ADIPOR2: variants seen among roughly 807,000 people sequenced by gnomAD.
ADIPOR2 encodes adiponectin receptor 2.
In ADIPOR2, 18 loss-of-function variants were observed where a neutral mutation model predicts 40.9. The observed-to-expected ratio is 0.44, with a 90% confidence interval of 0.30 to 0.65. The LOEUF (loss-of-function observed/expected upper bound fraction) is 0.65. Ranked by LOEUF, ADIPOR2 falls within the 30% of genes least tolerant of loss-of-function variation. The pLI, the probability that ADIPOR2 is intolerant of heterozygous loss-of-function variation, is 0.09. For missense variants in ADIPOR2, 283 were observed against 479.2 expected (o/e 0.59, Z 3.82); for synonymous variants, 165 against 166.4 (o/e 0.99, Z 0.06).
At chr12:1,772,774 G>GAAAT in intron 2 of ADIPOR2, 68 bp from the exon 3 acceptor site, 5 of 1,509,882 alleles carry the variant, frequency 3.3e-6, no homozygotes, top group Non-Finnish European at 4.5e-6. Flanking sequence ...TTCCACAAGG[G>GAAAT]AAATGTATTG....
chr12:1,737,454 T>A (rs1193780002), intron 1 of ADIPOR2, among the ~76,000 whole-genome samples: 1 of 152,228 alleles, frequency 6.6e-6, no homozygotes, highest in Non-Finnish European at 1.5e-5. Flanking sequence ...GAATTGGTAG[T>A]TTGTTGTCTT....
chr12:1,769,626 C>T (rs564141054), intron 2 of ADIPOR2, among the ~76,000 whole-genome samples: 3 of 151,484 alleles, frequency 2.0e-5, no homozygotes, highest in East Asian at 4.0e-4. Context: ...CTGCAACCCC[C>T]ACCTCCTGGG....
chr12:1,732,111 G>A (rs770958489), intron 1 of ADIPOR2, among the ~76,000 whole-genome samples: 4 of 151,920 alleles, frequency 2.6e-5, no homozygotes, highest in Non-Finnish European at 4.4e-5. Flanking sequence ...CCAGTTTCCC[G>A]TTACTAACAT....
At chr12:1,713,902 C>T (rs1012889253) in intron 1 of ADIPOR2, among the ~76,000 whole-genome samples, 1 of 152,090 alleles carries the variant, frequency 6.6e-6, no homozygotes, top group African/African-American at 2.4e-5. Context: ...ACTGATAAAG[C>T]TGTACCGGTG....
At chr12:1,758,120 A>G (rs1192563325) in intron 2 of ADIPOR2, 2 of 492,270 alleles carry the variant, frequency 4.1e-6, no homozygotes, top group African/African-American at 3.9e-5. Context: ...GTGTTGTAAT[A>G]CTATATATTT....
rs543214789 is a variant in ADIPOR2, at chr12:1,744,407, TTTG to T, written c.-86-9839_-86-9837del. Reference sequence around the variant, plus strand: ...GTGTGAGCCACCACGTCCAGCTTTTTTTGTTGTTGTTGTTTTCTGAGACAGAGT... The same window carrying T: ...GTGTGAGCCACCACGTCCAGCTTTTTTTGTTGTTGTTTTCTGAGACAGAGT... On this transcript the variant is annotated intron_variant, in intron 1 of 7. Transcript: ENST00000357103. 7.5e-4 allele frequency among the ~76,000 whole-genome samples: 114 copies of T among 152,178 alleles called. 3 individuals are homozygous for T. In the Middle Eastern group the frequency reaches 0.02, roughly 27 times the overall value.
intron 1 of ADIPOR2, among the ~76,000 whole-genome samples, chr12:1,709,604 G>A (rs890400371): frequency 2.6e-5 from 4 of 152,124 alleles, no homozygotes; most frequent in South Asian, 4.1e-4. Context: ...TTGTAACGTA[G>A]AAGTACATTT....
intron 1 of ADIPOR2, among the ~76,000 whole-genome samples, chr12:1,699,890 G>A (rs573864996): frequency 1.3e-5 from 2 of 152,324 alleles, no homozygotes; most frequent in South Asian, 4.1e-4. Flanking sequence ...AGTATACCAT[G>A]TGTTAGAAGG....
At chr12:1,731,676 T>G (rs981685790) in intron 1 of ADIPOR2, among the ~76,000 whole-genome samples, 23 of 152,322 alleles carry the variant, frequency 1.5e-4, no homozygotes, top group African/African-American at 5.5e-4. Flanking sequence ...TTTATTCCTT[T>G]TGGCCGGGTT....
chr12:1,777,212 G>A (rs920813076), intron 3 of ADIPOR2, among the ~76,000 whole-genome samples: 2 of 7,308 alleles, frequency 2.7e-4, no homozygotes, highest in African/African-American at 2.9e-4. Flanking sequence ...GGTAAAGTCT[G>A]TTATATAGGT....
chr12:1,767,001 G>A (rs1592623391), intron 2 of ADIPOR2, among the ~76,000 whole-genome samples: 1 of 152,208 alleles, frequency 6.6e-6, no homozygotes, highest in Non-Finnish European at 1.5e-5. Flanking sequence ...CGGGTGTGGT[G>A]GCTCACGCCC....
chr12:1,755,011 G>C (rs1380588359), intron 2 of ADIPOR2, among the ~76,000 whole-genome samples: 1 of 117,564 alleles, frequency 8.5e-6, no homozygotes, highest in African/African-American at 2.6e-5. Context: ...ATCGTGCCCA[G>C]CTTCTTATTC....
chr12:1,703,719 G>A (rs568914265), intron 1 of ADIPOR2, among the ~76,000 whole-genome samples: 1 of 151,408 alleles, frequency 6.6e-6, no homozygotes. Context: ...TCTGTCTCAC[G>A]AATAAATAAA....
chr12:1,707,660 G>T (rs1338478376), intron 1 of ADIPOR2, among the ~76,000 whole-genome samples: 3 of 152,012 alleles, frequency 2.0e-5, no homozygotes, highest in Non-Finnish European at 4.4e-5. Context: ...TTTATGTAGA[G>T]ATGAGATCTT....
intron 1 of ADIPOR2, among the ~76,000 whole-genome samples, chr12:1,700,759 T>C (rs2094648424): frequency 6.7e-6 from 1 of 148,172 alleles, no homozygotes; most frequent in South Asian, 2.1e-4. Context: ...CTGGACATTA[T>C]ATAAAAGCTG....
intron 1 of ADIPOR2, among the ~76,000 whole-genome samples, chr12:1,717,372 A>AG (rs2094689638): frequency 6.6e-6 from 1 of 152,138 alleles, no homozygotes; most frequent in South Asian, 2.1e-4. Flanking sequence ...GTCCCTGCTT[A>AG]GGTTATATTG....
At chr12:1,748,089 C>A (rs1041814335) in intron 1 of ADIPOR2, among the ~76,000 whole-genome samples, 2 of 152,022 alleles carry the variant, frequency 1.3e-5, no homozygotes, top group Non-Finnish European at 2.9e-5. Flanking sequence ...CTAAGATTTT[C>A]CAATTTACTG....
intron 1 of ADIPOR2, among the ~76,000 whole-genome samples, chr12:1,713,881 A>G (rs1023602990): frequency 2.0e-5 from 3 of 152,102 alleles, no homozygotes; most frequent in Non-Finnish European, 4.4e-5. Flanking sequence ...CGTCTGGGAC[A>G]GGAGATTAAC....
chr12:1,732,894 A>G (rs565206554), intron 1 of ADIPOR2, among the ~76,000 whole-genome samples: 1 of 152,294 alleles, frequency 6.6e-6, no homozygotes, highest in Non-Finnish European at 1.5e-5. Flanking sequence ...GCCTTAATAA[A>G]TACTTTTGTG....
Sources: gnomAD v4.1 joint callset for allele counts (sites outside exome capture counted in the v4.1 genomes callset) on GRCh38, gnomAD v4.1.1 for gene constraint, MANE v1.5 for transcripts, NCBI Gene and HGNC (gene_info 2026-07-23, HGNC 2026-07-21) for gene names.